Variants in RAB5A observed in about 807,000 individuals in gnomAD.
RAB5A encodes the protein ras-related protein Rab-5A.
Under a neutral mutation model 25.7 loss-of-function variants are expected in RAB5A, and 8 were observed. That is an observed-to-expected ratio of 0.31 (90% CI 0.18 to 0.56). The LOEUF (loss-of-function observed/expected upper bound fraction) is 0.56. Ranked by LOEUF, RAB5A falls within the 20% of genes least tolerant of loss-of-function variation. The pLI is 0.91. For synonymous variants in RAB5A, 98 were observed against 89.8 expected (o/e 1.09, Z -0.52); for missense variants, 192 against 259.7 (o/e 0.74, Z 1.79).
chr3:19,959,224 AT>A (rs1428184688), intron 2 of RAB5A, among the ~76,000 whole-genome samples: 1 of 152,140 alleles, frequency 6.6e-6, no homozygotes, highest in African/African-American at 2.4e-5. Context: ...TATATGGGAA[AT>A]ATTAGGTTGT....
chr3:19,968,941 G>T (rs1696698024), intron 2 of RAB5A, among the ~76,000 whole-genome samples: 1 of 151,732 alleles, frequency 6.6e-6, no homozygotes, highest in Non-Finnish European at 1.5e-5. Context: ...TCTTGCCTTT[G>T]CTACATGTTG....
intron 2 of RAB5A, among the ~76,000 whole-genome samples, chr3:19,969,030 G>T (rs1297285781): frequency 2.9e-4 from 33 of 112,182 alleles, no homozygotes; most frequent in African/African-American, 8.6e-4. Flanking sequence ...TTTTGGTTTT[G>T]GTTTTTTTTT....
At chr3:19,983,345 C>CAAAAAA (rs34872300) in intron 5 of RAB5A, among the ~76,000 whole-genome samples, 5 of 92,064 alleles carry the variant, frequency 5.4e-5, no homozygotes, top group African/African-American at 1.6e-4. Flanking sequence ...GACTACATCT[C>CAAAAAA]AAAAAAAAAA....
chr3:19,951,776 A>C (rs1696428405), intron 2 of RAB5A, among the ~76,000 whole-genome samples: 1 of 141,508 alleles, frequency 7.1e-6, no homozygotes, highest in Non-Finnish European at 1.5e-5. Flanking sequence ...GCCTCAAGTG[A>C]GCCTCCAGCC....
At chr3:19,950,183 TGAG>T (rs142730410) in intron 1 of RAB5A, among the ~76,000 whole-genome samples, 3,965 of 152,278 alleles carry the variant, frequency 0.026, 155 homozygotes, top group African/African-American at 0.09. Context: ...CTTGAGCAGA[TGAG>T]GAAACAGTTT....
intron 2 of RAB5A, among the ~76,000 whole-genome samples, chr3:19,974,733 A>G (rs538699442): frequency 6.6e-5 from 10 of 152,148 alleles, no homozygotes; most frequent in Admixed American, 1.3e-4. Flanking sequence ...AAAAAGAAAA[A>G]AAAAGATAAT....
At chr3:19,976,424 G>A (rs571052716) in intron 4 of RAB5A, among the ~76,000 whole-genome samples, 1 of 152,252 alleles carries the variant, frequency 6.6e-6, no homozygotes, top group Admixed American at 6.5e-5. Context: ...AGTGGCTCAC[G>A]CCTGTAATCC....
At chr3:19,981,908 C>T (rs554072902) in intron 5 of RAB5A, among the ~76,000 whole-genome samples, 1 of 152,244 alleles carries the variant, frequency 6.6e-6, no homozygotes, top group African/African-American at 2.4e-5. Flanking sequence ...GGATTAGGTA[C>T]AGCTACTGGT....
intron 2 of RAB5A, 186 bp downstream of exon 2, chr3:19,951,247 A>T: frequency 5.1e-6 from 3 of 593,792 alleles, no homozygotes; most frequent in Non-Finnish European, 8.3e-6. Context: ...TTTATATTTG[A>T]TTGTTTGGTT....
At chr3:19,976,372 G>C (rs1163830694) in intron 4 of RAB5A, among the ~76,000 whole-genome samples, 1 of 152,128 alleles carries the variant, frequency 6.6e-6, no homozygotes, top group Admixed American at 6.6e-5. Context: ...TATATAAACT[G>C]ACCCAAAGAT....
rs752050318 is a variant in RAB5A at position 19,950,852 on chromosome 3, AAGTT to A, written c.-46_-43del. Reference sequence around the variant, plus strand: ...AGAATATTGGCCCCTTGAATTCTGGAAGTTCATTGAAGAGTCTGAAATTAGGGAC... The same window carrying A: ...AGAATATTGGCCCCTTGAATTCTGGACATTGAAGAGTCTGAAATTAGGGAC... On this transcript the variant is annotated 5_prime_UTR_variant, in exon 2 of 6. Transcript: ENST00000273047. 7 of 1,553,254 alleles carry A rather than the reference AAGTT, an allele frequency of 4.5e-6. 1 individual carries two copies. Among genetic ancestry groups the A allele is most frequent in the Non-Finnish European group, 5.2e-6 (6 of 1,145,658 alleles).
chr3:19,961,544 C>T (rs1219649943), intron 2 of RAB5A, among the ~76,000 whole-genome samples: 1 of 152,214 alleles, frequency 6.6e-6, no homozygotes, highest in Non-Finnish European at 1.5e-5. Flanking sequence ...GAATATAAGA[C>T]GATTATTTAA....
intron 2 of RAB5A, among the ~76,000 whole-genome samples, chr3:19,965,572 C>T (rs1696649558): frequency 6.6e-6 from 1 of 152,078 alleles, no homozygotes. Context: ...TTCTCAATAT[C>T]CTTTATCCTA....
rs61250458 is a variant in RAB5A at position 19,951,701 on chromosome 3, G to GTTTTTTTTTTTTTTTTTTTT, written c.163+658_163+659insTTTTTTTTTTTTTTTTTTTT. Among the ~76,000 whole-genome samples, 26 of 98,998 alleles carry GTTTTTTTTTTTTTTTTTTTT rather than the reference G, an allele frequency of 2.6e-4. 3 individuals carry two copies. Among genetic ancestry groups the GTTTTTTTTTTTTTTTTTTTT allele is most frequent in the African/African-American group, 8.2e-4 (20 of 24,392 alleles). 64.9% of individuals were successfully genotyped at this position (98,998 alleles called of 152,430 possible). A position where few individuals can be genotyped will look rare whatever the true frequency, so the allele number is the denominator to read the frequency against. The stretch of plus-strand genomic sequence containing the variant: ...GGGTGCATGCCACCATGCCAGGCAA[G>GTTTTTTTTTTTTTTTTTTTT]TTTTTTTTTTTTTTTTTTAAGAGTC... On this transcript the variant is annotated intron_variant, in intron 2 of 5. Coordinates refer to ENST00000273047, the MANE Select transcript of RAB5A (RefSeq NM_004162.5).
chr3:19,952,369 G>A (rs188980565), intron 2 of RAB5A, among the ~76,000 whole-genome samples: 1 of 152,102 alleles, frequency 6.6e-6, no homozygotes, highest in African/African-American at 2.4e-5. Flanking sequence ...GTTTTCTAAG[G>A]TATTCATGTA....
chr3:19,975,522 T>C (rs569903967), intron 2 of RAB5A, 79 bp from the exon 3 acceptor site: 18 of 1,373,974 alleles, frequency 1.3e-5, no homozygotes, highest in Middle Eastern at 2.6e-4. Flanking sequence ...TTTTGATAGA[T>C]GTATACAAGC....
intron 2 of RAB5A, among the ~76,000 whole-genome samples, chr3:19,973,703 A>C (rs528821452): frequency 1.3e-5 from 2 of 152,230 alleles, no homozygotes; most frequent in Non-Finnish European, 2.9e-5. Flanking sequence ...TCATAAAACT[A>C]TTAATTAGAA....
At chr3:19,956,823 A>C (rs984797140) in intron 2 of RAB5A, among the ~76,000 whole-genome samples, 1 of 151,758 alleles carries the variant, frequency 6.6e-6, no homozygotes, top group Non-Finnish European at 1.5e-5. Context: ...TCGTTTTGTC[A>C]TTGTTGATAT....
At chr3:19,963,364 A>ACCCCCCCCCC (rs201742105) in intron 2 of RAB5A, among the ~76,000 whole-genome samples, 2 of 60,960 alleles carry the variant, frequency 3.3e-5, no homozygotes, top group African/African-American at 1.4e-4. Flanking sequence ...TTAGAATTTC[A>ACCCCCCCCCC]CCCCCCCCCC....
Sources: allele counts gnomAD v4.1 joint callset (sites outside exome capture counted in the v4.1 genomes callset), GRCh38; gene constraint gnomAD v4.1.1; transcripts MANE v1.5; gene names NCBI Gene and HGNC (gene_info 2026-07-23, HGNC 2026-07-21).